The following SLC9A6 variants were observed in gnomAD, a reference collection of about 807,000 sequenced individuals.
SLC9A6 encodes the protein sodium/hydrogen exchanger 6.
A neutral mutation model predicts 45.3 loss-of-function variants in SLC9A6; 6 were observed. That is an observed-to-expected ratio of 0.13 (90% confidence interval 0.07 to 0.26). The LOEUF is 0.26. Among genes scored for constraint, SLC9A6 ranks in the 10% least tolerant of loss-of-function variants. SLC9A6 has a pLI of 1.00. For missense variants in SLC9A6, 278 were observed against 503.7 expected, an observed-to-expected ratio of 0.55 and a Z score of 4.29; for synonymous variants, 191 against 187.7, an observed-to-expected ratio of 1.02 and a Z score of -0.14.
At chrX:135,996,555 A>C (rs981915885) in intron 3 of SLC9A6, among the ~76,000 whole-genome samples, 85 of 111,420 alleles carry the variant, frequency 7.6e-4, no homozygotes, top group Middle Eastern at 4.6e-3. Flanking sequence ...TATGGTGACT[A>C]GGTCTTAAAA....
chrX:136,016,539 A>C, intron 10 of SLC9A6, 106 bp from the exon 11 acceptor site: 1 of 508,395 alleles, frequency 2.0e-6, no homozygotes, highest in Non-Finnish European at 3.5e-6. Context: ...GTGTGTATGC[A>C]TGAAGTTTAT....
chrX:136,014,340 G>A (rs1464906451), intron 10 of SLC9A6, among the ~76,000 whole-genome samples: 1 of 111,091 alleles, frequency 9.0e-6, no homozygotes, highest in African/African-American at 3.3e-5. Flanking sequence ...TTTCCCCCAA[G>A]TGTATACATT....
intron 2 of SLC9A6, among the ~76,000 whole-genome samples, chrX:135,988,526 TTCTC>T (rs781829777): frequency 4.6e-4 from 49 of 106,811 alleles, no homozygotes; most frequent in Non-Finnish European, 8.1e-4. Flanking sequence ...CTCTCTTTCT[TTCTC>T]TCTCTTTCTT....
At chrX:135,991,113 G>C (rs1457190072) in intron 2 of SLC9A6, among the ~76,000 whole-genome samples, 1 of 111,473 alleles carries the variant, frequency 9.0e-6, no homozygotes, top group Non-Finnish European at 1.9e-5. Context: ...TTTTAAATTC[G>C]AACCTTTGTT....
intron 2 of SLC9A6, among the ~76,000 whole-genome samples, chrX:135,987,867 CT>C (rs1556615148): frequency 9.0e-6 from 1 of 110,604 alleles, no homozygotes; most frequent in Non-Finnish European, 1.9e-5. Context: ...AGTAGGATTA[CT>C]GTGAGGAAGA....
chrX:136,016,836 A>T lies in SLC9A6; in HGVS notation c.1194+78A>T, dbSNP rs2071028578. 9.1e-6 allele frequency: 5 copies of T among 551,818 alleles called. No individual in the cohort carries two copies. The African/African-American group carries it at 1.2e-4, about 13-fold the overall frequency. 45.5% of individuals were successfully genotyped at this position (551,818 alleles called of 1,213,427 possible). ...TGTGGGTTTTGAGTATGTGGTTCAT[A>T]AGAATACATTTAAATATATACAGTT... On this transcript the variant is annotated intron_variant, in intron 11 of 17. Transcript: ENST00000630721.
intron 3 of SLC9A6, among the ~76,000 whole-genome samples, 199 bp downstream of exon 3, chrX:135,995,184 T>C (rs964468278): frequency 1.8e-5 from 2 of 112,490 alleles, no homozygotes; most frequent in Non-Finnish European, 3.8e-5. Context: ...TGAGGTTAAG[T>C]AGTATAACTC....
chrX:136,006,899 T>C (rs1367666895), intron 7 of SLC9A6, among the ~76,000 whole-genome samples: 1 of 110,431 alleles, frequency 9.1e-6, no homozygotes. Flanking sequence ...AGAGTTTTGC[T>C]CTCGTCACCC....
intron 2 of SLC9A6, among the ~76,000 whole-genome samples, chrX:135,988,630 G>T (rs1556615283): frequency 9.3e-6 from 1 of 107,098 alleles, no homozygotes; most frequent in Non-Finnish European, 1.9e-5. Context: ...ATAGAGTGTT[G>T]CTCTGTCGCC....
At chrX:136,018,066 T>G (rs2071054754) in intron 11 of SLC9A6, among the ~76,000 whole-genome samples, 1 of 112,234 alleles carries the variant, frequency 8.9e-6, no homozygotes, top group Admixed American at 9.5e-5. Flanking sequence ...TAACCTAATC[T>G]TTGAAGAGGC....
At chrX:135,986,536 C>A (rs1317761641) in intron 2 of SLC9A6, among the ~76,000 whole-genome samples, 1 of 111,171 alleles carries the variant, frequency 9.0e-6, no homozygotes, top group Non-Finnish European at 1.9e-5. Flanking sequence ...TAAGGTCCTT[C>A]CAGAAGTATA....
intron 15 of SLC9A6, 175 bp from the exon 16 acceptor site, chrX:136,033,239 T>G: frequency 3.3e-6 from 1 of 302,942 alleles, no homozygotes; most frequent in South Asian, 3.6e-5. Context: ...CAGAAAAACA[T>G]TTCAATTTCC....
In SLC9A6 at chrX:135,985,481, G is replaced by A; in HGVS notation, c.-57+4G>A. 2 of 1,056,287 alleles carry A rather than the reference G, an allele frequency of 1.9e-6. No individual in the cohort carries two copies. Among genetic ancestry groups the A allele is most frequent in the Admixed American group, 8.1e-5 (2 of 24,571 alleles). The allele number at this position is 1,056,287 out of a possible 1,213,427, so 87.0% of individuals were successfully genotyped here. A position where few individuals can be genotyped will look rare whatever the true frequency, so the allele number is the denominator to read the frequency against. On this transcript the variant is annotated splice_donor_region_variant and intron_variant, in intron 1 of 17. Coordinates refer to ENST00000630721, the MANE Select transcript of SLC9A6 (RefSeq NM_001379110.1). ...ACCGCGGGCGGCCGCCGGTGAGGTA[G>A]GGGCGGGAGGCGGGGGGAGACATGG...
intron 2 of SLC9A6, among the ~76,000 whole-genome samples, chrX:135,986,455 T>C (rs947978681): frequency 9.0e-6 from 1 of 111,292 alleles, no homozygotes; most frequent in Non-Finnish European, 1.9e-5. Flanking sequence ...ACTATGCCTC[T>C]AATATCTGAT....
chrX:135,986,698 TTTATTA>T (rs781979699), intron 2 of SLC9A6, among the ~76,000 whole-genome samples: 16 of 109,391 alleles, frequency 1.5e-4, no homozygotes, highest in South Asian at 1.2e-3. Context: ...CTTTCTGAGG[TTTATTA>T]TTATTATTAT....
At chrX:136,010,317 G>T in intron 7 of SLC9A6, 125 bp from the exon 8 acceptor site, 17 of 729,511 alleles carry the variant, frequency 2.3e-5, no homozygotes, top group East Asian at 3.7e-5. Flanking sequence ...TCCTTATTTT[G>T]GCAATTCCAA....
At chrX:135,997,916 CA>C (rs2089528585) in intron 3 of SLC9A6, among the ~76,000 whole-genome samples, 191 bp from the exon 4 acceptor site, 1 of 111,746 alleles carries the variant, frequency 8.9e-6, no homozygotes, top group African/African-American at 3.3e-5. Flanking sequence ...CTGATTGTTC[CA>C]ATGCTATCTC....
At chrX:136,007,209 A>G (rs1487716229) in intron 7 of SLC9A6, among the ~76,000 whole-genome samples, 4 of 110,398 alleles carry the variant, frequency 3.6e-5, no homozygotes, top group Non-Finnish European at 7.6e-5. Flanking sequence ...ATTCTTAGCC[A>G]GGGGCAATTT....
At chrX:136,017,715 A>G (rs188827325) in intron 11 of SLC9A6, among the ~76,000 whole-genome samples, 1 of 111,871 alleles carries the variant, frequency 8.9e-6, no homozygotes, top group Non-Finnish European at 1.9e-5. Context: ...GGAGTTATCT[A>G]TTGTGTAACA....
Sources: gnomAD v4.1 joint callset for allele counts (sites outside exome capture counted in the v4.1 genomes callset) on GRCh38, gnomAD v4.1.1 for gene constraint, MANE v1.5 for transcripts, NCBI Gene and HGNC (gene_info 2026-07-23, HGNC 2026-07-21) for gene names.